Variants in ATRNL1 observed in about 807,000 individuals in gnomAD.
The protein encoded by ATRNL1 is attractin like 1.
Under a neutral mutation model 182.7 loss-of-function variants are expected in ATRNL1, and 95 were observed. That is an observed-to-expected ratio of 0.52 (90% CI 0.44 to 0.62). The LOEUF is 0.62. ATRNL1 is among the 20% of genes least tolerant of loss of function. The probability of loss-of-function intolerance (pLI) is 0.00; values close to 1 mark genes in which losing one functional copy is unlikely to be tolerated. For synonymous variants in ATRNL1, 576 were observed against 568.3 expected (o/e 1.01, Z -0.19); for missense variants, 1,471 against 1,679.5 (o/e 0.88, Z 2.17).
chr10:115,944,997 T>A lies in ATRNL1; in HGVS notation c.*218T>A, dbSNP rs1048862112. 1.1e-5 allele frequency: 4 copies of A among 371,568 alleles called. No homozygotes were observed. Among genetic ancestry groups the A allele is most frequent in the African/African-American group, 8.3e-5 (4 of 48,084 alleles). 23.0% of individuals were successfully genotyped at this position (371,568 alleles called of 1,614,324 possible). A position where few individuals can be genotyped will look rare whatever the true frequency, so the allele number is the denominator to read the frequency against. On this transcript the variant is annotated 3_prime_UTR_variant, in exon 29 of 29. Coordinates refer to ENST00000355044, the MANE Select transcript of ATRNL1 (RefSeq NM_207303.4). ...AGGTGATAAAGTCAGTTTTTACCACTATCTTAGGCTTATTATAGCTAACAT... is the reference window on the plus strand; with the variant it reads ...AGGTGATAAAGTCAGTTTTTACCACAATCTTAGGCTTATTATAGCTAACAT...
intron 26 of ATRNL1, among the ~76,000 whole-genome samples, chr10:115,712,867 C>CAA (rs68003846): frequency 2.9e-5 from 4 of 139,956 alleles, no homozygotes; most frequent in African/African-American, 1.0e-4. Context: ...GACAATGTTT[C>CAA]AAAAAAAAAA....
chr10:115,778,026 A>C (rs1949170534), intron 27 of ATRNL1, among the ~76,000 whole-genome samples: 1 of 152,138 alleles, frequency 6.6e-6, no homozygotes, highest in African/African-American at 2.4e-5. Flanking sequence ...CAATTGAATA[A>C]AGAGTAATGT....
intron 10 of ATRNL1, 24 bp from the exon 11 acceptor site, chr10:115,265,169 G>A: frequency 7.0e-7 from 1 of 1,425,598 alleles, no homozygotes; most frequent in Non-Finnish European, 9.7e-7. Context: ...TTCATTTTTT[G>A]TTTTTCTGTT....
intron 10 of ATRNL1, among the ~76,000 whole-genome samples, chr10:115,247,629 T>A (rs1850702088): frequency 6.6e-6 from 1 of 152,136 alleles, no homozygotes; most frequent in African/African-American, 2.4e-5. Context: ...CTTCAAAAAC[T>A]ACAAATAGAA....
chr10:115,885,809 A>G (rs1951931519), intron 28 of ATRNL1, among the ~76,000 whole-genome samples: 1 of 152,184 alleles, frequency 6.6e-6, no homozygotes, highest in Non-Finnish European at 1.5e-5. Flanking sequence ...AATCTGTAAT[A>G]TTGGTAGTCC....
At chr10:115,570,862 C>G (rs17803288) in intron 26 of ATRNL1, among the ~76,000 whole-genome samples, 3,161 of 152,264 alleles carry the variant, frequency 0.021, 40 homozygotes, top group South Asian at 0.033. Context: ...AGAGTGACCT[C>G]AACTGAGCCC....
At chr10:115,135,482 C>T (rs149916825) in intron 5 of ATRNL1, among the ~76,000 whole-genome samples, 2,373 of 152,130 alleles carry the variant, frequency 0.016, 49 homozygotes, top group African/African-American at 0.053. Context: ...TTACAAGGGA[C>T]GTGAAGGACC....
chr10:115,540,151 A>AT (rs1554991558), intron 25 of ATRNL1, among the ~76,000 whole-genome samples: 16 of 150,958 alleles, frequency 1.1e-4, no homozygotes, highest in South Asian at 4.2e-4. Context: ...ATAAATAAAT[A>AT]AATATATAGT....
intron 19 of ATRNL1, among the ~76,000 whole-genome samples, chr10:115,393,900 A>G (rs1479401794): frequency 6.6e-6 from 1 of 152,108 alleles, no homozygotes; most frequent in East Asian, 1.9e-4. Context: ...ACAAGTTTAT[A>G]TGAACCAAAT....
chr10:115,591,099 A>G (rs1269340459), intron 26 of ATRNL1, among the ~76,000 whole-genome samples: 1 of 152,238 alleles, frequency 6.6e-6, no homozygotes, highest in Non-Finnish European at 1.5e-5. Context: ...ATATGCATGT[A>G]TACGTGTATA....
intron 28 of ATRNL1, among the ~76,000 whole-genome samples, chr10:115,930,518 G>A (rs1175383347): frequency 6.6e-6 from 1 of 152,040 alleles, no homozygotes; most frequent in Non-Finnish European, 1.5e-5. Context: ...TTCAACTATT[G>A]GTTTTATTTG....
intron 9 of ATRNL1, among the ~76,000 whole-genome samples, chr10:115,239,601 A>G (rs1403234287): frequency 2.6e-5 from 4 of 152,108 alleles, no homozygotes; most frequent in Non-Finnish European, 5.9e-5. Context: ...TTGGAGTTGC[A>G]GGTGGGTGGG....
chr10:115,632,959 C>T (rs1428780167), intron 26 of ATRNL1, among the ~76,000 whole-genome samples: 1 of 150,232 alleles, frequency 6.7e-6, no homozygotes, highest in African/African-American at 2.4e-5. Context: ...GTGGTGCGAT[C>T]CTAGCTCACT....
At chr10:115,845,680 T>A (rs1555098553) in intron 27 of ATRNL1, among the ~76,000 whole-genome samples, 1 of 140,830 alleles carries the variant, frequency 7.1e-6, no homozygotes, top group African/African-American at 2.7e-5. Context: ...ACAATTCTAC[T>A]GTTCTAATTT....
chr10:115,126,001 T>C (rs1425143297), intron 3 of ATRNL1, among the ~76,000 whole-genome samples: 1 of 152,246 alleles, frequency 6.6e-6, no homozygotes, highest in East Asian at 1.9e-4. Flanking sequence ...GGAAACTCTC[T>C]TTTATTTATT....
intron 8 of ATRNL1, among the ~76,000 whole-genome samples, chr10:115,192,532 T>G (rs1262751447): frequency 1.3e-5 from 2 of 152,134 alleles, no homozygotes; most frequent in Non-Finnish European, 2.9e-5. Context: ...GGTAATGTGA[T>G]GCCTCCTGTT....
chr10:115,461,287 T>C (rs1847784470), intron 21 of ATRNL1, among the ~76,000 whole-genome samples: 1 of 152,052 alleles, frequency 6.6e-6, no homozygotes, highest in Non-Finnish European at 1.5e-5. Flanking sequence ...TCATGACTTA[T>C]GACATTTAAA....
chr10:115,113,002 C>A (rs1844324036), intron 1 of ATRNL1, among the ~76,000 whole-genome samples: 1 of 152,174 alleles, frequency 6.6e-6, no homozygotes, highest in Non-Finnish European at 1.5e-5. Flanking sequence ...TGAAGTATTT[C>A]TTGGAAGAAT....
At chr10:115,735,197 G>A (rs1188632723) in intron 27 of ATRNL1, among the ~76,000 whole-genome samples, 3 of 152,096 alleles carry the variant, frequency 2.0e-5, no homozygotes, top group African/African-American at 7.2e-5. Flanking sequence ...TTTAAGTAAT[G>A]CCTTTAGCAT....
Sources: gnomAD v4.1 joint callset for allele counts (sites outside exome capture counted in the v4.1 genomes callset) on GRCh38, gnomAD v4.1.1 for gene constraint, MANE v1.5 for transcripts, NCBI Gene and HGNC (gene_info 2026-07-23, HGNC 2026-07-21) for gene names.